DOCK8: variants seen among roughly 807,000 people sequenced by gnomAD.
DOCK8 encodes dedicator of cytokinesis protein 8.
DOCK8 carries 141 observed loss-of-function variants against 245.6 expected under a neutral mutation model. The observed-to-expected ratio is 0.57, with a 90% CI of 0.50 to 0.66. DOCK8 has a LOEUF of 0.66. Among genes scored for constraint, DOCK8 ranks in the 30% least tolerant of loss-of-function variants. The pLI, the probability that DOCK8 is intolerant of heterozygous loss-of-function variation, is 0.00. For missense variants in DOCK8, 2,965 were observed against 2,603.4 expected (o/e 1.14, Z -3.02); for synonymous variants, 1,168 against 970.2 (o/e 1.20, Z -3.79).
chr9:387,022 AG>A (rs1264819026), intron 23 of DOCK8, among the ~76,000 whole-genome samples: 1 of 152,180 alleles, frequency 6.6e-6, no homozygotes, highest in Non-Finnish European at 1.5e-5. Flanking sequence ...TCATAGTCCC[AG>A]CCTATGTGGT....
At chr9:222,014 C>T (rs1219953088) in intron 1 of DOCK8, among the ~76,000 whole-genome samples, 1 of 151,978 alleles carries the variant, frequency 6.6e-6, no homozygotes, top group Non-Finnish European at 1.5e-5. Context: ...CCTCCCGGTG[C>T]TTTGGGAGGC....
chr9:425,815 C>T (rs957444394), intron 33 of DOCK8, among the ~76,000 whole-genome samples: 2 of 151,080 alleles, frequency 1.3e-5, no homozygotes, highest in African/African-American at 4.9e-5. Flanking sequence ...TATATTATCA[C>T]TTGGAAAATG....
At chr9:241,389 A>T (rs895355832) in intron 1 of DOCK8, among the ~76,000 whole-genome samples, 1 of 151,638 alleles carries the variant, frequency 6.6e-6, no homozygotes, top group Non-Finnish European at 1.5e-5. Flanking sequence ...CCTTCCCCCT[A>T]CCCTTCCTGG....
At chr9:447,849 C>A (rs2057312222) in intron 44 of DOCK8, among the ~76,000 whole-genome samples, 1 of 152,146 alleles carries the variant, frequency 6.6e-6, no homozygotes, top group Non-Finnish European at 1.5e-5. Context: ...GTGTGGCTTT[C>A]ACAGAAGCTG....
At chr9:358,332 A>C (rs2052548142) in intron 14 of DOCK8, among the ~76,000 whole-genome samples, 1 of 152,172 alleles carries the variant, frequency 6.6e-6, no homozygotes, top group Non-Finnish European at 1.5e-5. Context: ...GGCCTCAAAC[A>C]GTCCTCCTGC....
At chr9:311,843 G>T (rs2050127588) in intron 5 of DOCK8, 111 bp from the exon 6 acceptor site, 1 of 1,335,866 alleles carries the variant, frequency 7.5e-7, no homozygotes, top group East Asian at 2.3e-5. Flanking sequence ...TTGAGGCCTG[G>T]CTGAGATTCT....
chr9:451,944 T>A, intron 45 of DOCK8, 67 bp from the exon 46 acceptor site: 1 of 233,424 alleles, frequency 4.3e-6, no homozygotes, highest in Non-Finnish European at 6.9e-6. Flanking sequence ...TATATATATA[T>A]GTGTGTGTGT....
At chr9:376,346 C>A (rs749904014) in intron 19 of DOCK8, 41 bp downstream of exon 19, 2 of 1,384,702 alleles carry the variant, frequency 1.4e-6, no homozygotes, top group East Asian at 4.6e-5. Flanking sequence ...AAAGGTGCAG[C>A]GGAGGAGCCT....
chr9:441,145 T>C, intron 40 of DOCK8, 141 bp from the exon 41 acceptor site: 1 of 1,259,832 alleles, frequency 7.9e-7, no homozygotes, highest in South Asian at 1.2e-5. Context: ...AGTGCTCAGA[T>C]ACCCCTTCTT....
intron 45 of DOCK8, 89 bp from the exon 46 acceptor site, chr9:451,922 T>C (rs954948447): frequency 6.2e-6 from 2 of 324,676 alleles, no homozygotes; most frequent in Non-Finnish European, 1.1e-5. Context: ...CATATACATA[T>C]ATATGTATGT....
At chr9:307,982 C>G (rs562871543) in intron 5 of DOCK8, among the ~76,000 whole-genome samples, 4 of 152,108 alleles carry the variant, frequency 2.6e-5, no homozygotes, top group East Asian at 1.9e-4. Context: ...CATGATCTCA[C>G]TTATATGTGG....
At chr9:400,288 A>T (rs1201207241) in intron 26 of DOCK8, among the ~76,000 whole-genome samples, 2 of 69,250 alleles carry the variant, frequency 2.9e-5, no homozygotes, top group African/African-American at 1.6e-4. Context: ...CACTTCCTTC[A>T]CCACCACCAC....
chr9:215,159 G>A, intron 1 of DOCK8, 130 bp downstream of exon 1: 4 of 1,492,970 alleles, frequency 2.7e-6, no homozygotes, highest in Non-Finnish European at 3.5e-6. Context: ...CTGAGACCTG[G>A]GGCGCCCGGT....
intron 1 of DOCK8, among the ~76,000 whole-genome samples, chr9:269,984 T>G (rs910764389): frequency 2.6e-5 from 4 of 152,178 alleles, no homozygotes; most frequent in Admixed American, 6.5e-5. Context: ...CATTTTATAC[T>G]CCTACCAACA....
At chr9:221,040 G>C (rs947684555) in intron 1 of DOCK8, among the ~76,000 whole-genome samples, 1 of 152,112 alleles carries the variant, frequency 6.6e-6, no homozygotes, top group Non-Finnish European at 1.5e-5. Flanking sequence ...TCTGGAGTTG[G>C]CACAGTAGTG....
chr9:354,959 A>G (rs1211368100), intron 14 of DOCK8, among the ~76,000 whole-genome samples: 3 of 152,190 alleles, frequency 2.0e-5, no homozygotes, highest in Non-Finnish European at 4.4e-5. Flanking sequence ...CACTAGGTCT[A>G]GCCCACACTC....
At chr9:425,731 T>C (rs1310414214) in intron 33 of DOCK8, among the ~76,000 whole-genome samples, 1 of 142,790 alleles carries the variant, frequency 7.0e-6, no homozygotes, top group Non-Finnish European at 1.5e-5. Flanking sequence ...CACTCTAGCC[T>C]GGGTGATAGA....
chr9:403,117 G>A (rs2055192751), intron 26 of DOCK8, among the ~76,000 whole-genome samples: 1 of 152,002 alleles, frequency 6.6e-6, no homozygotes, highest in African/African-American at 2.4e-5. Context: ...CTTGAACTCT[G>A]GCCTCAAGTG....
chr9:408,895 C>T (rs774128162), intron 28 of DOCK8, among the ~76,000 whole-genome samples: 2 of 117,440 alleles, frequency 1.7e-5, no homozygotes, highest in Non-Finnish European at 3.3e-5. Context: ...CACGCACACA[C>T]GCGCGTGCAC....
Sources: allele counts gnomAD v4.1 joint callset (sites outside exome capture counted in the v4.1 genomes callset), GRCh38; gene constraint gnomAD v4.1.1; transcripts MANE v1.5; gene names NCBI Gene and HGNC (gene_info 2026-07-23, HGNC 2026-07-21).